TESK2: variants seen among roughly 807,000 people sequenced by gnomAD.
TESK2 encodes the protein testis associated actin remodelling kinase 2.
In TESK2, 39 loss-of-function variants were observed where a neutral mutation model predicts 57.1. That is an observed-to-expected ratio of 0.68 (90% CI 0.53 to 0.89). The LOEUF is 0.89. Ranked by LOEUF, TESK2 falls within the 40% of genes least tolerant of loss-of-function variation. The pLI is 0.00. For synonymous variants in TESK2, 249 were observed against 267.9 expected (o/e 0.93, Z 0.69); for missense variants, 646 against 732.1 (o/e 0.88, Z 1.36).
intron 4 of TESK2, among the ~76,000 whole-genome samples, chr1:45,382,727 G>A (rs537329154): frequency 7.9e-5 from 12 of 152,102 alleles, no homozygotes; most frequent in Admixed American, 3.9e-4. Flanking sequence ...AAAATTAGCC[G>A]GTCATGGTGG....
intron 6 of TESK2, 29 bp downstream of exon 6, chr1:45,347,889 G>A (rs1281617866): frequency 1.3e-6 from 2 of 1,581,134 alleles, no homozygotes; most frequent in East Asian, 2.2e-5. Flanking sequence ...CCTGTCCCTT[G>A]GACCCCAGCA....
rs746459077 is a variant in TESK2 at position 45,345,164 on chromosome 1, C to G, written c.1392G>C (p.Leu464Phe). ...CCACAAATGGACAAGCCTCTTGATG[C>G]AAGAACTCAGGCGAACCAGGCAAGG... ...WRSLPGSPEF[L>F]HQEACPFVGR... Residue 464 changes from leucine (L) to phenylalanine (F), a missense_variant, in exon 11 of 11, where the codon TTG becomes TTC. Leu to Phe is a conservative substitution (Grantham distance 22). Transcript: ENST00000372086. 1.2e-6 allele frequency: 2 copies of G among 1,614,072 alleles called. No homozygotes were observed. The highest frequency in any genetic ancestry group is 1.1e-5 in the South Asian group (1 of 91,090).
intron 2 of TESK2, among the ~76,000 whole-genome samples, chr1:45,446,472 T>A (rs976554271): frequency 6.6e-6 from 1 of 151,764 alleles, no homozygotes; most frequent in Non-Finnish European, 1.5e-5. Flanking sequence ...TCTAAAAAAA[T>A]TTTAAATAAA....
chr1:45,472,625 A>G (rs539347665), intron 1 of TESK2, among the ~76,000 whole-genome samples: 14 of 151,930 alleles, frequency 9.2e-5, no homozygotes, highest in South Asian at 6.3e-4. Context: ...GATGACTCCA[A>G]GTTTAACTAG....
chr1:45,351,141 A>C (rs531097725), intron 5 of TESK2, among the ~76,000 whole-genome samples: 3 of 152,374 alleles, frequency 2.0e-5, no homozygotes, highest in Admixed American at 2.0e-4. Context: ...TTGGGCAGTA[A>C]TGGTATTAAG....
chr1:45,379,073 C>T (rs1000987899), intron 4 of TESK2, among the ~76,000 whole-genome samples: 4 of 152,154 alleles, frequency 2.6e-5, no homozygotes, highest in African/African-American at 7.2e-5. Flanking sequence ...ATATTCTGTA[C>T]TGAAACACAC....
At chr1:45,392,795 G>A (rs963599618) in intron 3 of TESK2, among the ~76,000 whole-genome samples, 12 of 151,256 alleles carry the variant, frequency 7.9e-5, no homozygotes, top group African/African-American at 2.4e-4. Context: ...CTCCCACCTC[G>A]GCCTCCCAAA....
chr1:45,417,203 T>C (rs1377930787), intron 3 of TESK2, among the ~76,000 whole-genome samples: 1 of 152,142 alleles, frequency 6.6e-6, no homozygotes, highest in African/African-American at 2.4e-5. Context: ...TCCAGGTTCA[T>C]CCAAGTTGTC....
intron 4 of TESK2, among the ~76,000 whole-genome samples, chr1:45,371,280 G>A (rs185656595): frequency 2.4e-4 from 37 of 152,182 alleles, no homozygotes; most frequent in Admixed American, 2.4e-3. Context: ...TGGAAAGTAA[G>A]GTTTCAAAGA....
At chr1:45,395,590 CTTTCTTTTCT>C (rs200966957) in intron 3 of TESK2, among the ~76,000 whole-genome samples, 1 of 150,172 alleles carries the variant, frequency 6.7e-6, no homozygotes, top group Admixed American at 6.6e-5. Context: ...ATTTACACTC[CTTTCTTTTCT>C]TTTCTTTTCT....
At chr1:45,355,105 G>A (rs1395903158) in intron 5 of TESK2, among the ~76,000 whole-genome samples, 198 bp downstream of exon 5, 1 of 151,752 alleles carries the variant, frequency 6.6e-6, no homozygotes, top group Non-Finnish European at 1.5e-5. Flanking sequence ...AACCCAGGAG[G>A]CAGAAGCACT....
chr1:45,463,953 T>C (rs1400576569), intron 1 of TESK2, among the ~76,000 whole-genome samples: 2 of 152,098 alleles, frequency 1.3e-5, no homozygotes, highest in African/African-American at 2.4e-5. Flanking sequence ...GTGGTATAAT[T>C]TGAAGTCAAG....
chr1:45,360,751 C>T (rs1647646726), intron 4 of TESK2, among the ~76,000 whole-genome samples: 1 of 152,170 alleles, frequency 6.6e-6, no homozygotes, highest in African/African-American at 2.4e-5. Context: ...CCTCAGAAAC[C>T]GCTTCTCAAT....
intron 4 of TESK2, among the ~76,000 whole-genome samples, chr1:45,357,248 T>A (rs1450187256): frequency 1.3e-5 from 2 of 151,328 alleles, no homozygotes; most frequent in African/African-American, 4.9e-5. Context: ...TAAATGTATG[T>A]ATGTATGTAT....
intron 1 of TESK2, among the ~76,000 whole-genome samples, chr1:45,460,495 G>C (rs899492105): frequency 2.0e-5 from 3 of 152,052 alleles, no homozygotes; most frequent in Non-Finnish European, 2.9e-5. Context: ...ACTCCAGCCT[G>C]GGCAACAAGA....
intron 2 of TESK2, among the ~76,000 whole-genome samples, chr1:45,447,492 C>T (rs1651688642): frequency 6.6e-6 from 1 of 152,084 alleles, no homozygotes; most frequent in Non-Finnish European, 1.5e-5. Context: ...GACAATAACA[C>T]ACATGGAGCT....
chr1:45,474,097 G>A (rs1158906574), intron 1 of TESK2, among the ~76,000 whole-genome samples: 3 of 152,112 alleles, frequency 2.0e-5, no homozygotes, highest in African/African-American at 7.2e-5. Context: ...ACTTTGGGAG[G>A]CTGAGGCAAG....
chr1:45,387,578 G>T (rs910165719), intron 3 of TESK2, among the ~76,000 whole-genome samples: 8 of 152,130 alleles, frequency 5.3e-5, no homozygotes, highest in Non-Finnish European at 1.0e-4. Context: ...CAGGGTCCAT[G>T]TCATATTCTT....
At chr1:45,385,981 A>G in intron 3 of TESK2, 21 bp from the exon 4 acceptor site, 1 of 1,581,118 alleles carries the variant, frequency 6.3e-7, no homozygotes, top group Non-Finnish European at 8.7e-7. Context: ...AGACAGAATT[A>G]TTTAACAAGT....
Sources: allele counts gnomAD v4.1 joint callset (sites outside exome capture counted in the v4.1 genomes callset), GRCh38; gene constraint gnomAD v4.1.1; transcripts MANE v1.5; gene names NCBI Gene and HGNC (gene_info 2026-07-23, HGNC 2026-07-21).